The following SSTR3 variants were observed in gnomAD, a reference collection of about 807,000 sequenced individuals.
SSTR3 encodes somatostatin receptor 3, also known as somatostatin receptor type 3.
For synonymous variants in SSTR3, 281 were observed against 269.2 expected, an observed-to-expected ratio of 1.04 and a Z score of -0.43; for missense variants, 504 against 604.7, an observed-to-expected ratio of 0.83 and a Z score of 1.75.
At chr22:37,216,796 T>A (rs113097053), upstream of SSTR3, among the ~76,000 whole-genome samples, 1,599 of 151,858 alleles carry the variant, frequency 0.011, 26 homozygotes, top group African/African-American at 0.036. Context: ...TGGGGTTTTT[T>A]TGTTTTGTTT....
upstream of SSTR3, among the ~76,000 whole-genome samples, chr22:37,213,622 C>T (rs1286708639): frequency 6.6e-6 from 1 of 152,204 alleles, no homozygotes; most frequent in East Asian, 1.9e-4. Context: ...GGGACAAGGC[C>T]CTTGCTCCAG....
upstream of SSTR3, among the ~76,000 whole-genome samples, chr22:37,213,729 C>T (rs951583430): frequency 1.3e-5 from 2 of 152,152 alleles, no homozygotes; most frequent in Non-Finnish European, 2.9e-5. Context: ...TTTTCCATGG[C>T]ACTGACCACC....
rs1422551047 is a variant in SSTR3 at position 37,207,666 on chromosome 22, C to A, written c.138G>T (p.Leu46=). The A allele has an allele frequency of 1.3e-6, 2 of 1,578,262 alleles. No homozygotes were observed. The highest frequency in any genetic ancestry group is 3.5e-5 in the Admixed American group (2 of 56,922). The change falls in exon 2 of 2, where the codon CTG becomes CTT. Residue 46 remains leucine, a synonymous_variant. Transcript: ENST00000610913. ...SPAGLAVSGV[L]IPLVYLVVCV... Reference sequence around the variant, plus strand: ...ACACCACCAGGTAGACCAGGGGGATCAGAACGCCACTGACGGCCAGCCCTG... The same window carrying A: ...ACACCACCAGGTAGACCAGGGGGATAAGAACGCCACTGACGGCCAGCCCTG...
rs369359088 is a variant in SSTR3, at chr22:37,206,670, C to A, written c.1134G>T (p.Thr378=). Reference sequence around the variant, plus strand: ...GCTCCTGCCCGCTGGTGCCAGGCTGCGTGATCTGGCTGACCCGGCCGTTCA... The same window carrying A: ...GCTCCTGCCCGCTGGTGCCAGGCTGAGTGATCTGGCTGACCCGGCCGTTCA... ...KEMNGRVSQI[T]QPGTSGQERP... The change falls in exon 2 of 2, where the codon ACG becomes ACT. Residue 378 remains threonine (T), a synonymous_variant. Coordinates refer to ENST00000610913, the MANE Select transcript of SSTR3 (RefSeq NM_001051.5). The A allele has an allele frequency of 6.2e-7, 1 of 1,609,916 alleles. No homozygotes were observed. Among genetic ancestry groups the A allele is most frequent in the Non-Finnish European group, 8.5e-7 (1 of 1,179,988 alleles).
At chr22:37,214,889 A>G (rs1330029792), upstream of SSTR3, among the ~76,000 whole-genome samples, 27 of 152,032 alleles carry the variant, frequency 1.8e-4, no homozygotes, top group Admixed American at 1.8e-3. Flanking sequence ...CAGGGCCTCC[A>G]TCTGAAACTC....
chr22:37,215,033 A>G (rs796971627), upstream of SSTR3, among the ~76,000 whole-genome samples: 53 of 152,076 alleles, frequency 3.5e-4, no homozygotes, highest in African/African-American at 1.3e-3. Flanking sequence ...AGGATTCCTT[A>G]TCTGTAATGC....
At chr22:37,215,497 T>A (rs1926400598), upstream of SSTR3, among the ~76,000 whole-genome samples, 1 of 152,240 alleles carries the variant, frequency 6.6e-6, no homozygotes, top group Non-Finnish European at 1.5e-5. Flanking sequence ...GCGATTCTCC[T>A]GCCTCAGCCT....
upstream of SSTR3, among the ~76,000 whole-genome samples, chr22:37,215,195 ACC>A (rs1235812206): frequency 1.3e-5 from 2 of 152,028 alleles, no homozygotes; most frequent in African/African-American, 4.8e-5. Flanking sequence ...ATTATAGTGA[ACC>A]TGTATATATA....
At chr22:37,211,416 C>T (rs926126623) in intron 1 of SSTR3, among the ~76,000 whole-genome samples, 1 of 152,202 alleles carries the variant, frequency 6.6e-6, no homozygotes, top group African/African-American at 2.4e-5. Flanking sequence ...CACTTCTCCC[C>T]GCTGCACCTC....
chr22:37,210,287 C>T (rs1926112899), intron 1 of SSTR3, among the ~76,000 whole-genome samples: 1 of 152,236 alleles, frequency 6.6e-6, no homozygotes, highest in Admixed American at 6.5e-5. Context: ...GGTTGCCCCA[C>T]CCCCACGCCT....
chr22:37,213,797 C>T (rs1288823408), upstream of SSTR3, among the ~76,000 whole-genome samples: 6 of 152,252 alleles, frequency 3.9e-5, no homozygotes, highest in East Asian at 1.2e-3. Context: ...CCGCAGCCCA[C>T]CTGGCACTGC....
At chr22:37,218,093 T>C in the SSTR3 span, among the ~76,000 whole-genome samples, 2 of 152,360 alleles carry the variant, frequency 1.3e-5, no homozygotes, top group Admixed American at 1.3e-4. Flanking sequence ...AGGATGGCAA[T>C]GATGGTTTTG....
upstream of SSTR3, among the ~76,000 whole-genome samples, chr22:37,214,250 C>G (rs1258064206): frequency 6.6e-6 from 1 of 152,208 alleles, no homozygotes; most frequent in Non-Finnish European, 1.5e-5. Context: ...GCACTAAAGG[C>G]ACTTCAGAAA....
At position 37,206,655 on chromosome 22, in the gene SSTR3, G is replaced by A. The variant is rs148819795; in HGVS notation, c.1149C>T (p.Ser383=). 5.5e-5 allele frequency: 88 copies of A among 1,610,418 alleles called. No homozygotes were observed. The highest frequency in any genetic ancestry group is 1.2e-4 in the African/African-American group (9 of 74,926). Residue 383 remains serine (S), a synonymous_variant, in exon 2 of 2, where the codon AGC becomes AGT. Coordinates refer to ENST00000610913, the MANE Select transcript of SSTR3 (RefSeq NM_001051.5). ...RVSQITQPGT[S]GQERPPSRVA... ...CTCTGCTGGGCGGCCGCTCCTGCCC[G>A]CTGGTGCCAGGCTGCGTGATCTGGC...
At chr22:37,217,324 TTA>T (rs142144261), upstream of SSTR3, among the ~76,000 whole-genome samples, 49,675 of 152,020 alleles carry the variant, frequency 0.33, 8,858 homozygotes, top group Non-Finnish European at 0.42. Flanking sequence ...GCTAATTTTT[TTA>T]TTATTATTAT....
intron 1 of SSTR3, chr22:37,210,455 C>T (rs551658697): frequency 2.1e-6 from 2 of 942,988 alleles, no homozygotes; most frequent in South Asian, 4.9e-5. Context: ...TGTCTCCACC[C>T]TTATCTCAGC....
At chr22:37,218,695 C>A in the SSTR3 span, among the ~76,000 whole-genome samples, 5 of 152,110 alleles carry the variant, frequency 3.3e-5, no homozygotes, top group Middle Eastern at 3.2e-3. Context: ...TGCCTCACCC[C>A]CACTCTGCCC....
intron 1 of SSTR3, 86 bp from the exon 2 acceptor site, chr22:37,207,925 G>C (rs774045144): frequency 9.7e-5 from 132 of 1,359,648 alleles, no homozygotes; most frequent in Non-Finnish European, 1.1e-4. Context: ...CTGGGGACCT[G>C]CTGCACGCCC....
Position 37,212,001 on chromosome 22 carries a change from T to G in SSTR3, c.-213A>C. 1 of 985,736 alleles carries G rather than the reference T, an allele frequency of 1.0e-6. No individual in the cohort carries two copies. The highest frequency in any genetic ancestry group is 1.7e-5 in the African/African-American group (1 of 57,342). The allele number at this position is 985,736 out of a possible 1,614,324, so 61.1% of individuals were successfully genotyped here. A position where few individuals can be genotyped will look rare whatever the true frequency, so the allele number is the denominator to read the frequency against. On this transcript the variant is annotated 5_prime_UTR_variant, in exon 1 of 2. Transcript: ENST00000610913. ...TCCCTCCCAGGCCCTCGGCCACGGC[T>G]GTCCACAGAGCCTCTCCCATCTGGT...
Sources: gnomAD v4.1 joint callset for allele counts (sites outside exome capture counted in the v4.1 genomes callset) on GRCh38, gnomAD v4.1.1 for gene constraint, MANE v1.5 for transcripts, NCBI Gene and HGNC (gene_info 2026-07-23, HGNC 2026-07-21) for gene names.